RPS6KC1: variants seen among roughly 807,000 people sequenced by gnomAD.
RPS6KC1 encodes the protein inactive ribosomal protein S6 kinase delta-1.
In RPS6KC1, 54 loss-of-function variants were observed where a neutral mutation model predicts 103.8. The ratio of observed to expected loss-of-function variants is 0.52; its 90% CI spans 0.42 to 0.65. The LOEUF is 0.65. Ranked by LOEUF, RPS6KC1 falls within the 30% of genes least tolerant of loss-of-function variation. RPS6KC1 has a pLI of 0.00. For synonymous variants in RPS6KC1, 439 were observed against 438.7 expected (o/e 1.00, Z -0.01); for missense variants, 1,151 against 1,253.8 (o/e 0.92, Z 1.24).
At chr1:213,726,210 G>A in the RPS6KC1 span, among the ~76,000 whole-genome samples, 1 of 152,008 alleles carries the variant, frequency 6.6e-6, no homozygotes, top group East Asian at 1.9e-4. Flanking sequence ...CCTCAGCCTG[G>A]GCACATCTGG....
At chr1:213,230,673 A>G (rs925714398) in intron 9 of RPS6KC1, 129 bp downstream of exon 9, 13 of 468,018 alleles carry the variant, frequency 2.8e-5, no homozygotes, top group African/African-American at 2.2e-4. Context: ...CGTTTCTACT[A>G]AAAATACAAA....
chr1:213,422,366 T>C, the RPS6KC1 span, among the ~76,000 whole-genome samples: 3 of 152,178 alleles, frequency 2.0e-5, no homozygotes, highest in African/African-American at 7.2e-5. Flanking sequence ...CTATTATAGG[T>C]ATATGCCACA....
At chr1:213,723,559 C>A in the RPS6KC1 span, among the ~76,000 whole-genome samples, 2 of 152,172 alleles carry the variant, frequency 1.3e-5, no homozygotes, top group Non-Finnish European at 2.9e-5. Context: ...CATGTGACCT[C>A]ATTTTACCTT....
the RPS6KC1 span, chr1:213,822,174 T>C: frequency 1.3e-5 from 2 of 152,196 alleles, no homozygotes; most frequent in African/African-American, 4.8e-5. Context: ...TTTGACACAC[T>C]ACACTTTGTC....
chr1:213,602,185 T>A, the RPS6KC1 span, among the ~76,000 whole-genome samples: 1 of 112,548 alleles, frequency 8.9e-6, no homozygotes, highest in Non-Finnish European at 1.7e-5. Flanking sequence ...TTTCTTTCTT[T>A]CTTTTTCCCT....
intron 1 of RPS6KC1, among the ~76,000 whole-genome samples, chr1:213,063,508 C>T (rs2078027600): frequency 6.6e-6 from 1 of 152,134 alleles, no homozygotes; most frequent in Non-Finnish European, 1.5e-5. Flanking sequence ...GTTACTTTTG[C>T]TGTGAGACAT....
intron 4 of RPS6KC1, among the ~76,000 whole-genome samples, chr1:213,111,804 G>A (rs925569093): frequency 6.6e-6 from 1 of 152,064 alleles, no homozygotes. Context: ...TTTATCTTTT[G>A]ACATTCTCTA....
In RPS6KC1 at chr1:213,239,669, G is replaced by T. The variant is rs560762080; in HGVS notation, c.1226-1033G>T. Among the ~76,000 whole-genome samples the T allele has an allele frequency of 9.2e-5, 14 of 152,222 alleles. No individual in the cohort carries two copies. In the East Asian group the frequency reaches 2.7e-3, roughly 29 times the overall value. On this transcript the variant is annotated intron_variant, in intron 10 of 14. Transcript: ENST00000366960. ...TGCTGAAAAATTGTCTTCTTTATATGAATAGAGGGATTTATTTTTAACACA... is the reference window on the plus strand; with the variant it reads ...TGCTGAAAAATTGTCTTCTTTATATTAATAGAGGGATTTATTTTTAACACA...
At chr1:213,611,548 A>G in the RPS6KC1 span, among the ~76,000 whole-genome samples, 86 of 152,352 alleles carry the variant, frequency 5.6e-4, no homozygotes, top group Middle Eastern at 6.8e-3. Context: ...GGTGTTATCC[A>G]GGAAAGAGGA....
the RPS6KC1 span, among the ~76,000 whole-genome samples, chr1:213,561,237 G>T: frequency 6.6e-6 from 1 of 152,064 alleles, no homozygotes; most frequent in South Asian, 2.1e-4. Flanking sequence ...TTCCCTAATT[G>T]TGTCCCCTTC....
At chr1:213,242,489 C>T (rs2094379104) in intron 11 of RPS6KC1, 80 bp from the exon 12 acceptor site, 1 of 1,216,170 alleles carries the variant, frequency 8.2e-7, no homozygotes. Flanking sequence ...TTTTTAGCTA[C>T]AAAAGGAGTA....
chr1:213,844,941 C>T, the RPS6KC1 span, among the ~76,000 whole-genome samples: 3 of 151,884 alleles, frequency 2.0e-5, no homozygotes, highest in Non-Finnish European at 4.4e-5. Context: ...CCTTTGAGAA[C>T]CCCCCAGCAC....
At chr1:213,693,379 A>G in the RPS6KC1 span, among the ~76,000 whole-genome samples, 13 of 152,266 alleles carry the variant, frequency 8.5e-5, no homozygotes, top group East Asian at 1.4e-3. Flanking sequence ...CAGTATCCCA[A>G]TGGTCCATTT....
chr1:213,129,707 A>G lies in RPS6KC1; in HGVS notation c.653A>G (p.Glu218Gly), dbSNP rs1274179856. The G allele has an allele frequency of 2.5e-6, 4 of 1,614,102 alleles. No homozygotes were observed. Among genetic ancestry groups the G allele is most frequent in the Non-Finnish European group, 3.4e-6 (4 of 1,179,976 alleles). ...GACAGTGAACAGAGCAAAACAGAAGAAGAACGGGAAAGTCGTAGCCTCTTT... is the reference window on the plus strand; with the variant it reads ...GACAGTGAACAGAGCAAAACAGAAGGAGAACGGGAAAGTCGTAGCCTCTTT... ...ASDSEQSKTE[E>G]ERESRSLFPG... Residue 218 changes from glutamate to glycine, a missense_variant, in exon 6 of 15, where the codon GAA becomes GGA. Physicochemically the swap from Glu to Gly is moderately conservative, Grantham distance 98. This residue lies in a region of RPS6KC1 where 959 missense variants were observed against 1,006.3 expected (regional missense o/e 0.95). Coordinates refer to ENST00000366960, the MANE Select transcript of RPS6KC1 (RefSeq NM_012424.6).
At chr1:213,414,049 AC>A in the RPS6KC1 span, among the ~76,000 whole-genome samples, 1 of 152,102 alleles carries the variant, frequency 6.6e-6, no homozygotes, top group Non-Finnish European at 1.5e-5. Flanking sequence ...ATGTGGTGAG[AC>A]CTAATGACCA....
At chr1:213,796,705 G>A in the RPS6KC1 span, among the ~76,000 whole-genome samples, 6 of 152,090 alleles carry the variant, frequency 3.9e-5, no homozygotes, top group Non-Finnish European at 8.8e-5. Flanking sequence ...ATTCACACAG[G>A]CACATTTATC....
At chr1:213,287,284 G>A in the RPS6KC1 span, among the ~76,000 whole-genome samples, 1 of 150,484 alleles carries the variant, frequency 6.6e-6, no homozygotes, top group African/African-American at 2.5e-5. Flanking sequence ...ATTTTTTTAA[G>A]TGGAAAAGAT....
rs577700149 is a variant in RPS6KC1 at position 213,078,513 on chromosome 1, C to T, written c.262+697C>T. Among the ~76,000 whole-genome samples, 299 of 152,072 alleles carry T rather than the reference C, an allele frequency of 2.0e-3. 1 individual carries two copies. Among genetic ancestry groups the T allele is most frequent in the African/African-American group, 6.9e-3 (285 of 41,504 alleles). On this transcript the variant is annotated intron_variant, in intron 3 of 14. Transcript: ENST00000366960. ...ACCTCCTGGGTTCAAGTGATTCTCC[C>T]GCCTCAGCCTCCTGAGTAGTTGGGA...
At chr1:213,655,801 C>T in the RPS6KC1 span, among the ~76,000 whole-genome samples, 1 of 151,966 alleles carries the variant, frequency 6.6e-6, no homozygotes, top group African/African-American at 2.4e-5. Flanking sequence ...AAATAATATA[C>T]AGTAGCTGGG....
Sources: allele counts gnomAD v4.1 joint callset (sites outside exome capture counted in the v4.1 genomes callset), GRCh38; gene constraint gnomAD v4.1.1; regional missense constraint gnomAD v4.1.1; transcripts MANE v1.5; gene names NCBI Gene and HGNC (gene_info 2026-07-23, HGNC 2026-07-21).